Variants in SMOC2 observed in about 807,000 individuals in gnomAD.
The protein encoded by SMOC2 is SPARC related modular calcium binding 2.
Under a neutral mutation model 61.4 loss-of-function variants are expected in SMOC2, and 39 were observed. The ratio of observed to expected loss-of-function variants is 0.64; its 90% CI spans 0.49 to 0.83. The LOEUF (loss-of-function observed/expected upper bound fraction) is 0.83, where lower values mean the gene tolerates loss of function less well. SMOC2 is among the 40% of genes least tolerant of loss of function. The pLI, the probability that SMOC2 is intolerant of heterozygous loss-of-function variation, is 0.00. For missense variants in SMOC2, 556 were observed against 592.9 expected (o/e 0.94, Z 0.65); for synonymous variants, 247 against 239.9 (o/e 1.03, Z -0.27).
intron 9 of SMOC2, among the ~76,000 whole-genome samples, chr6:168,613,105 A>G (rs1322232622): frequency 1.3e-5 from 2 of 152,104 alleles, no homozygotes; most frequent in Non-Finnish European, 2.9e-5. Flanking sequence ...ATTTCAGTCT[A>G]CACTGGCAGG....
rs551297260 is a variant in SMOC2, at chr6:168,499,303, T to TC, written c.85-10610dup. Among the ~76,000 whole-genome samples the TC allele has an allele frequency of 4.4e-3, 668 of 152,352 alleles. 4 individuals are homozygous for TC. Among genetic ancestry groups the TC allele is most frequent in the African/African-American group, 0.016 (646 of 41,576 alleles). On this transcript the variant is annotated intron_variant, in intron 1 of 12. Coordinates refer to ENST00000356284, the MANE Select transcript of SMOC2 (RefSeq NM_001166412.2). The stretch of plus-strand genomic sequence containing the variant: ...GCCGTTGGGCATGTGGGAACCGCAG[T>TC]CCAACGTGTGCTTCATACTTACTTT...
At chr6:168,470,066 A>G (rs1476543816) in intron 1 of SMOC2, among the ~76,000 whole-genome samples, 4 of 152,178 alleles carry the variant, frequency 2.6e-5, no homozygotes, top group Admixed American at 6.5e-5. Context: ...CTCCATCACA[A>G]TTGCCCACAA....
chr6:168,633,862 T>C (rs1427960248), intron 9 of SMOC2, among the ~76,000 whole-genome samples: 2 of 152,202 alleles, frequency 1.3e-5, no homozygotes, highest in East Asian at 3.9e-4. Flanking sequence ...CCATGTGTCG[T>C]GAGAGGGACC....
At position 168,527,697 on chromosome 6, in the gene SMOC2, G is replaced by A. The variant is rs1032447240; in HGVS notation, c.433G>A (p.Ala145Thr). Residue 145 changes from alanine (A) to threonine (T), a missense_variant, in exon 4 of 13, where the codon GCC (alanine) becomes ACC (threonine). Transcript: ENST00000356284. ...TPNGRPISGT[A>T]VAHKTPRCPG... ...CAACGGGAGGCCCATCAGCGGCACTGCCGTGGCCCACAAGACGCCCCGGTG... is the reference window on the plus strand; with the variant it reads ...CAACGGGAGGCCCATCAGCGGCACTACCGTGGCCCACAAGACGCCCCGGTG... The A allele has an allele frequency of 3.9e-6, 6 of 1,551,952 alleles. No homozygotes were observed. The highest frequency in any genetic ancestry group is 4.4e-6 in the Non-Finnish European group (5 of 1,147,386).
chr6:168,468,518 A>T (rs1351815866), intron 1 of SMOC2, among the ~76,000 whole-genome samples: 2 of 152,180 alleles, frequency 1.3e-5, no homozygotes, highest in African/African-American at 4.8e-5. Context: ...ATTCTTTTGA[A>T]TGCTGGTCTT....
At chr6:168,608,265 C>T (rs3734421) in intron 9 of SMOC2, 26 bp downstream of exon 9, 297,603 of 1,601,392 alleles carry the variant, frequency 0.19, 28,902 homozygotes, top group South Asian at 0.28. Flanking sequence ...GAGTGTGGCC[C>T]GAATCCACAG....
intron 8 of SMOC2, among the ~76,000 whole-genome samples, chr6:168,607,261 G>A (rs1260837628): frequency 6.6e-6 from 1 of 152,154 alleles, no homozygotes; most frequent in Admixed American, 6.5e-5. Flanking sequence ...TACTGGATGA[G>A]GCTGGTGGTC....
chr6:168,590,464 G>A (rs541492151), intron 7 of SMOC2, among the ~76,000 whole-genome samples: 2 of 152,046 alleles, frequency 1.3e-5, no homozygotes, highest in Non-Finnish European at 2.9e-5. Context: ...GGGGCAGCCG[G>A]CCTGGTGGTG....
At position 168,532,440 on chromosome 6, in the gene SMOC2, C is replaced by CGG. The variant is rs1368339810; in HGVS notation, c.463+4713_463+4714insGG. 2.2e-3 allele frequency among the ~76,000 whole-genome samples: 336 copies of CGG among 152,040 alleles called. 2 individuals are homozygous for CGG. Among genetic ancestry groups the CGG allele is most frequent in the African/African-American group, 7.9e-3 (326 of 41,408 alleles). On this transcript the variant is annotated intron_variant, in intron 4 of 12. Transcript: ENST00000356284. ...TTCTTCCTCACCACCCTCCCCCCCT[C>CGG]CCCCACAAAGATTTGAAGCCTAACA...
rs564434814 is a variant in SMOC2, at chr6:168,544,391, T to C, written c.511+719T>C. Among the ~76,000 whole-genome samples the C allele has an allele frequency of 3.7e-4, 57 of 152,318 alleles. No homozygotes were observed. The highest frequency in any genetic ancestry group is 1.1e-3 in the African/African-American group (47 of 41,562). ...TTTTCTTTTCTAGTGTAGGTTACAGTGTAATGAACCAGTAACAAACAAAAA... is the reference window on the plus strand; with the variant it reads ...TTTTCTTTTCTAGTGTAGGTTACAGCGTAATGAACCAGTAACAAACAAAAA... On this transcript the variant is annotated intron_variant, in intron 5 of 12. Coordinates refer to ENST00000356284, the MANE Select transcript of SMOC2 (RefSeq NM_001166412.2). This position sits in a 1 kb window ranked among gnomAD's most constrained non-coding sequence, Gnocchi z 4.1.
chr6:168,628,923 G>A (rs1477619569), intron 9 of SMOC2, among the ~76,000 whole-genome samples: 5 of 152,262 alleles, frequency 3.3e-5, no homozygotes, highest in Admixed American at 2.6e-4. Context: ...CGTGGGTGGA[G>A]GGCAGTCCGG....
intron 4 of SMOC2, among the ~76,000 whole-genome samples, chr6:168,531,094 A>G (rs983475666): frequency 2.0e-5 from 3 of 152,116 alleles, no homozygotes; most frequent in Admixed American, 2.0e-4. Context: ...GAGAGTCAGA[A>G]AACTCAGCTC....
At chr6:168,602,272 T>A (rs1219070641) in intron 8 of SMOC2, among the ~76,000 whole-genome samples, 3 of 152,184 alleles carry the variant, frequency 2.0e-5, no homozygotes, top group African/African-American at 7.2e-5. Flanking sequence ...AAGTTCTGGA[T>A]GATTTCAGCG....
chr6:168,470,645 CCA>C (rs1781949515), intron 1 of SMOC2, among the ~76,000 whole-genome samples: 1 of 151,768 alleles, frequency 6.6e-6, no homozygotes, highest in Admixed American at 6.6e-5. Context: ...CCCCTGCACT[CCA>C]GTCTGGGTGA....
intron 7 of SMOC2, among the ~76,000 whole-genome samples, chr6:168,590,844 C>CA (rs1231035506): frequency 3.3e-5 from 5 of 152,230 alleles, no homozygotes; most frequent in African/African-American, 1.2e-4. Context: ...AACAAACTGT[C>CA]AGACACATTA....
intron 1 of SMOC2, among the ~76,000 whole-genome samples, chr6:168,451,991 C>T (rs1391056077): frequency 4.6e-5 from 7 of 152,142 alleles, no homozygotes; most frequent in African/African-American, 1.4e-4. Context: ...GAGGTTGTCT[C>T]CCAGGTTCCC....
intron 9 of SMOC2, among the ~76,000 whole-genome samples, chr6:168,640,899 C>A (rs1786877320): frequency 6.6e-6 from 1 of 152,222 alleles, no homozygotes; most frequent in Admixed American, 6.5e-5. Flanking sequence ...ACCTTCAGTG[C>A]TTCCTGGCAG....
chr6:168,657,136 A>C (rs1224948845), intron 11 of SMOC2, among the ~76,000 whole-genome samples: 2 of 152,238 alleles, frequency 1.3e-5, no homozygotes, highest in Non-Finnish European at 2.9e-5. Context: ...AGGGGCACTA[A>C]ATGTGCTGCC....
At chr6:168,533,956 T>G (rs9456167) in intron 4 of SMOC2, among the ~76,000 whole-genome samples, 9,319 of 152,206 alleles carry the variant, frequency 0.061, 528 homozygotes, top group East Asian at 0.3. Context: ...CTGTTTAAAA[T>G]ACTTGTAGGC....
Sources: allele counts gnomAD v4.1 joint callset (sites outside exome capture counted in the v4.1 genomes callset), GRCh38; gene constraint gnomAD v4.1.1; non-coding constraint Gnocchi (gnomAD v3.1); transcripts MANE v1.5; gene names NCBI Gene and HGNC (gene_info 2026-07-23, HGNC 2026-07-21).